FGF14: variants seen among roughly 807,000 people sequenced by gnomAD.
The protein encoded by FGF14 is fibroblast growth factor 14, also known as fibroblast growth factor homologous factor 4.
FGF14 carries 5 observed loss-of-function variants against 25.5 expected under a neutral mutation model. The observed-to-expected ratio is 0.20, with a 90% CI of 0.10 to 0.41. The LOEUF is 0.41. Among genes scored for constraint, FGF14 ranks in the 10% least tolerant of loss-of-function variants. FGF14 has a pLI of 1.00. For missense variants in FGF14, 222 were observed against 320.1 expected, an observed-to-expected ratio of 0.69 and a Z score of 2.34; for synonymous variants, 138 against 118.3, an observed-to-expected ratio of 1.17 and a Z score of -1.08.
chr13:102,072,953 C>G (rs2043210651), intron 1 of FGF14, among the ~76,000 whole-genome samples: 1 of 152,200 alleles, frequency 6.6e-6, no homozygotes, highest in African/African-American at 2.4e-5. Context: ...CACTGAAATG[C>G]AAATGCTGAA....
intron 1 of FGF14, among the ~76,000 whole-genome samples, chr13:102,052,549 C>G (rs2042258868): frequency 6.6e-6 from 1 of 151,302 alleles, no homozygotes; most frequent in Non-Finnish European, 1.5e-5. Flanking sequence ...AAAAGCAAAT[C>G]ATATATTAGA....
chr13:102,392,614 T>C (rs942678171), intron 1 of FGF14, among the ~76,000 whole-genome samples: 2 of 152,178 alleles, frequency 1.3e-5, no homozygotes, highest in Non-Finnish European at 2.9e-5. Flanking sequence ...CAGCCAACCA[T>C]GTCTCAAGAA....
chr13:101,811,082 T>C (rs1260000241), intron 3 of FGF14, among the ~76,000 whole-genome samples: 2 of 136,102 alleles, frequency 1.5e-5, no homozygotes, highest in Non-Finnish European at 3.1e-5. Flanking sequence ...GTGGTGCGTT[T>C]GCTACAATCT....
chr13:102,196,853 G>T (rs912105110), intron 1 of FGF14, among the ~76,000 whole-genome samples: 1 of 151,762 alleles, frequency 6.6e-6, no homozygotes, highest in Non-Finnish European at 1.5e-5. Flanking sequence ...ATCCCCCTTT[G>T]TCAGGCCCTT....
At chr13:101,790,077 T>C (rs1198962881) in intron 3 of FGF14, among the ~76,000 whole-genome samples, 1 of 151,840 alleles carries the variant, frequency 6.6e-6, no homozygotes, top group African/African-American at 2.4e-5. Flanking sequence ...CATCAAATCT[T>C]ATAATCATTT....
At chr13:102,154,697 C>T (rs1404775594) in intron 1 of FGF14, among the ~76,000 whole-genome samples, 2 of 152,096 alleles carry the variant, frequency 1.3e-5, no homozygotes, top group South Asian at 2.1e-4. Flanking sequence ...GGGCTAAATG[C>T]TCCAATTAAA....
At chr13:102,249,072 G>A (rs780273270) in intron 1 of FGF14, among the ~76,000 whole-genome samples, 2 of 152,120 alleles carry the variant, frequency 1.3e-5, no homozygotes, top group Non-Finnish European at 1.5e-5. Flanking sequence ...GTAGAGCCAC[G>A]GAATGCTCAT....
intron 1 of FGF14, among the ~76,000 whole-genome samples, chr13:102,289,623 G>T (rs779168849): frequency 6.6e-6 from 1 of 152,138 alleles, no homozygotes; most frequent in Non-Finnish European, 1.5e-5. Context: ...TAGCTTGAGG[G>T]TTGTACGAAA....
intron 1 of FGF14, among the ~76,000 whole-genome samples, chr13:102,019,367 C>A (rs73563681): frequency 0.032 from 4,878 of 152,194 alleles, 252 homozygotes; most frequent in African/African-American, 0.11. Context: ...TCTGTGTCTA[C>A]CCACCTGCCT....
At chr13:102,330,158 T>C (rs1467717076) in intron 1 of FGF14, among the ~76,000 whole-genome samples, 1 of 152,114 alleles carries the variant, frequency 6.6e-6, no homozygotes, top group Non-Finnish European at 1.5e-5. Flanking sequence ...ACTCCAAATT[T>C]CAGCAGAGCC....
rs904723233 is a variant in FGF14, at chr13:102,378,764, T to G, written c.208+22707A>C. Reference sequence around the variant, plus strand: ...GAAATTACAGCTAGAATTTTCATCTTTAACTCCAAAGTTCATATAGTGCTG... The same window carrying G: ...GAAATTACAGCTAGAATTTTCATCTGTAACTCCAAAGTTCATATAGTGCTG... On this transcript the variant is annotated intron_variant, in intron 1 of 4. Coordinates refer to the FGF14 transcript ENST00000376131. Among the ~76,000 whole-genome samples the G allele has an allele frequency of 7.9e-5, 12 of 152,068 alleles. No homozygotes were observed. In the South Asian group the frequency reaches 8.3e-4, roughly 11 times the overall value.
At chr13:101,814,141 C>G (rs1388812341) in intron 3 of FGF14, among the ~76,000 whole-genome samples, 8 of 152,150 alleles carry the variant, frequency 5.3e-5, no homozygotes, top group Non-Finnish European at 1.2e-4. Flanking sequence ...GTTTCCAGAA[C>G]AGAAGCATCT....
chr13:102,112,475 T>G (rs1426935286), intron 1 of FGF14, among the ~76,000 whole-genome samples: 1 of 152,228 alleles, frequency 6.6e-6, no homozygotes, highest in African/African-American at 2.4e-5. Context: ...TTTTTTTTCC[T>G]GAAGATTTTT....
intron 3 of FGF14, among the ~76,000 whole-genome samples, chr13:101,820,438 T>A (rs1287024463): frequency 6.6e-6 from 1 of 152,084 alleles, no homozygotes; most frequent in Non-Finnish European, 1.5e-5. Flanking sequence ...AATGAACATA[T>A]CCAAGATGAA....
chr13:101,950,105 A>G (rs1167718861), intron 1 of FGF14, among the ~76,000 whole-genome samples: 1 of 151,994 alleles, frequency 6.6e-6, no homozygotes, highest in African/African-American at 2.4e-5. Context: ...GCTCAGAGCT[A>G]TGGAAGTCAT....
intron 1 of FGF14, among the ~76,000 whole-genome samples, chr13:102,068,368 T>G (rs531508389): frequency 2.6e-5 from 4 of 152,238 alleles, no homozygotes; most frequent in African/African-American, 9.6e-5. Flanking sequence ...GCTCCCACTT[T>G]GGCGGCACTT....
chr13:101,954,845 G>A (rs2036414848), intron 1 of FGF14, among the ~76,000 whole-genome samples: 1 of 152,244 alleles, frequency 6.6e-6, no homozygotes, highest in Admixed American at 6.5e-5. Context: ...AGTATTGGAA[G>A]TGGCTGTTAA....
Position 102,353,222 on chromosome 13 carries a change from C to T in FGF14, c.208+48249G>A, listed in dbSNP as rs72647497. ...AAAGAAAATACAGTTTGCTAATAAA[C>T]TTCTTGTTTTTCTGTCTTGCTGTGC... On this transcript the variant is annotated intron_variant, in intron 1 of 4. Coordinates refer to the FGF14 transcript ENST00000376131. 2.4e-3 allele frequency among the ~76,000 whole-genome samples: 367 copies of T among 152,286 alleles called. 2 individuals are homozygous for T. The highest frequency in any genetic ancestry group is 3.6e-3 in the Non-Finnish European group (242 of 68,028).
rs1040254530 is a variant in FGF14, at chr13:101,865,112, C to T, written c.408+3613G>A. 3.3e-5 allele frequency among the ~76,000 whole-genome samples: 5 copies of T among 152,086 alleles called. 1 individual carries two copies. Among genetic ancestry groups the T allele is most frequent in the Non-Finnish European group, 4.4e-5 (3 of 68,004 alleles). ...CTTTTTCTTCTCCATCTTTCTTATG[C>T]CAGAAACACATTCTCACTTCAACTA... On this transcript the variant is annotated intron_variant, in intron 3 of 4. Transcript: ENST00000376143.
Sources: allele counts gnomAD v4.1 joint callset (sites outside exome capture counted in the v4.1 genomes callset), GRCh38; gene constraint gnomAD v4.1.1; transcripts MANE v1.5; gene names NCBI Gene and HGNC (gene_info 2026-07-23, HGNC 2026-07-21).